Variants in VWA3B observed in about 807,000 individuals in gnomAD.
VWA3B encodes the protein von Willebrand factor A domain-containing protein 3B.
Under a neutral mutation model 158.3 loss-of-function variants are expected in VWA3B, and 138 were observed. The observed-to-expected ratio is 0.87, with a 90% confidence interval of 0.76 to 1.00. VWA3B has a LOEUF of 1.00. Ranked by LOEUF, VWA3B falls within the 50% of genes least tolerant of loss-of-function variation. VWA3B has a pLI of 0.00. For missense variants in VWA3B, 1,555 were observed against 1,565.1 expected (o/e 0.99, Z 0.11); for synonymous variants, 596 against 587.3 (o/e 1.01, Z -0.21).
intron 12 of VWA3B, chr2:98,206,164 TG>T (rs568362941): frequency 1.3e-5 from 2 of 152,674 alleles, no homozygotes; most frequent in Non-Finnish European, 2.9e-5. Context: ...TTGAGTTCTG[TG>T]GGTCATGTCT....
intron 12 of VWA3B, among the ~76,000 whole-genome samples, chr2:98,195,916 T>C (rs1682000891): frequency 6.6e-6 from 1 of 152,174 alleles, no homozygotes; most frequent in Non-Finnish European, 1.5e-5. Context: ...ATATACACAA[T>C]GGAATACTAC....
chr2:98,126,801 T>G (rs1460067469), intron 5 of VWA3B, among the ~76,000 whole-genome samples: 1 of 152,212 alleles, frequency 6.6e-6, no homozygotes, highest in African/African-American at 2.4e-5. Flanking sequence ...GGGCTTTCTG[T>G]GCCTCAAGTG....
chr2:98,323,268 G>A, the VWA3B span, among the ~76,000 whole-genome samples: 1 of 152,056 alleles, frequency 6.6e-6, no homozygotes. Context: ...TGGAAAATTC[G>A]AGAGCTAAAA....
At chr2:98,126,405 C>T (rs1675362299) in intron 5 of VWA3B, among the ~76,000 whole-genome samples, 2 of 152,166 alleles carry the variant, frequency 1.3e-5, no homozygotes, top group Admixed American at 1.3e-4. Context: ...TGTGTCTGCT[C>T]CCCTGTCTCA....
chr2:98,147,576 C>T (rs1189773455), intron 7 of VWA3B, among the ~76,000 whole-genome samples: 1 of 152,054 alleles, frequency 6.6e-6, no homozygotes, highest in Non-Finnish European at 1.5e-5. Context: ...ATATCAAATA[C>T]TTCATTAAAG....
downstream of VWA3B, among the ~76,000 whole-genome samples, chr2:98,314,519 C>T (rs561278514): frequency 1.9e-4 from 29 of 152,254 alleles, no homozygotes; most frequent in Admixed American, 5.2e-4. Context: ...TAAATGTTTC[C>T]GTGGTCCCAG....
At chr2:98,192,537 G>A (rs1681681805) in intron 10 of VWA3B, among the ~76,000 whole-genome samples, 1 of 152,134 alleles carries the variant, frequency 6.6e-6, no homozygotes, top group Non-Finnish European at 1.5e-5. Context: ...TTCTTTTGTG[G>A]TGGAATGTCA....
intron 20 of VWA3B, among the ~76,000 whole-genome samples, chr2:98,253,125 G>A (rs1398807413): frequency 2.0e-5 from 3 of 152,076 alleles, no homozygotes; most frequent in Non-Finnish European, 4.4e-5. Flanking sequence ...TTGTGTTTAA[G>A]AGTGTTGTTG....
At chr2:98,254,828 T>G (rs1687012828) in intron 20 of VWA3B, among the ~76,000 whole-genome samples, 1 of 152,108 alleles carries the variant, frequency 6.6e-6, no homozygotes, top group South Asian at 2.1e-4. Flanking sequence ...AGGCCCTGTC[T>G]GCAGACACCC....
chr2:98,297,842 G>A, intron 23 of VWA3B, 65 bp from the exon 24 acceptor site: 2 of 1,421,308 alleles, frequency 1.4e-6, no homozygotes, highest in Non-Finnish European at 1.9e-6. Flanking sequence ...CAGAAAGATG[G>A]CACAAGCCTA....
intron 6 of VWA3B, among the ~76,000 whole-genome samples, chr2:98,129,326 A>G (rs368460818): frequency 6.7e-6 from 1 of 148,688 alleles, no homozygotes; most frequent in African/African-American, 2.5e-5. Flanking sequence ...GTGTGTGTGG[A>G]GAGAGAGAGA....
intron 20 of VWA3B, among the ~76,000 whole-genome samples, chr2:98,253,284 T>TA (rs931754560): frequency 6.6e-6 from 1 of 152,186 alleles, no homozygotes; most frequent in Admixed American, 6.5e-5. Context: ...GATGTAACTT[T>TA]AAAAACAACC....
chr2:98,290,523 C>A lies in VWA3B; in HGVS notation c.3058C>A (p.Gln1020Lys). The change falls in exon 23 of 28, where the codon CAA becomes AAA. Residue 1020 changes from glutamine to lysine, a missense_variant. Physicochemically the swap from Gln to Lys is moderately conservative, Grantham distance 53. Transcript: ENST00000477737. ...NKAPGEQQKL[Q>K]GNPTKKTKSK... ...TTGTCTTTTTCAGCAACAGAAATTG[C>A]AAGGAAATCCAACAAAGAAAACCAA... The A allele has an allele frequency of 1.3e-6, 2 of 1,576,640 alleles. No homozygotes were observed. The highest frequency in any genetic ancestry group is 1.7e-6 in the Non-Finnish European group (2 of 1,169,550).
Position 98,111,851 on chromosome 2 carries a change from C to A in VWA3B, c.197-3801C>A, listed in dbSNP as rs75895437. Among the ~76,000 whole-genome samples, 774 of 152,052 alleles carry A rather than the reference C, an allele frequency of 5.1e-3. 16 individuals are homozygous for A. In the East Asian group the frequency reaches 0.088, roughly 17 times the overall value. On this transcript the variant is annotated intron_variant, in intron 2 of 27. Coordinates refer to ENST00000477737, the MANE Select transcript of VWA3B (RefSeq NM_144992.5). ...TTCAATAAATATTTGCAAATATTTT[C>A]TTTTACTTTATAAGTTGTCTGCTTA...
chr2:98,325,058 A>G, the VWA3B span, among the ~76,000 whole-genome samples: 2 of 152,250 alleles, frequency 1.3e-5, no homozygotes, highest in African/African-American at 4.8e-5. Context: ...GTGGGGAAAT[A>G]CACACTTTGT....
Position 98,192,954 on chromosome 2 carries a change from G to T in VWA3B, c.1523G>T (p.Cys508Phe). The T allele has an allele frequency of 6.2e-7, 1 of 1,614,148 alleles. No homozygotes were observed. The highest frequency in any genetic ancestry group is 8.5e-7 in the Non-Finnish European group (1 of 1,180,016). The change falls in exon 11 of 28, where the codon TGC (cysteine) becomes TTC (phenylalanine). Residue 508 changes from cysteine (C) to phenylalanine (F), a missense_variant. Physicochemically the swap from Cys to Phe is radical, Grantham distance 205. Transcript: ENST00000477737. The stretch of plus-strand genomic sequence containing the variant: ...CTCTTTGGAAGATTGCATAATGATT[G>T]CATCTACATTCTCATTGACACGTCT... ...QSLFGRLHND[C>F]IYILIDTSHS...
intron 7 of VWA3B, among the ~76,000 whole-genome samples, chr2:98,140,266 T>C (rs1440258714): frequency 6.6e-6 from 1 of 152,108 alleles, no homozygotes; most frequent in Admixed American, 6.5e-5. Flanking sequence ...CCTTAGAGAT[T>C]CTCCTTCCTC....
chr2:98,219,787 A>G (rs1684333193), intron 14 of VWA3B, among the ~76,000 whole-genome samples: 1 of 152,212 alleles, frequency 6.6e-6, no homozygotes, highest in East Asian at 1.9e-4. Flanking sequence ...AAACATGTTT[A>G]AAATACTGAG....
Position 98,312,453 on chromosome 2 carries a change from C to A in VWA3B, c.*104C>A. ...GCCCCTCCGCGGAGGTAAGGCCGCC[C>A]TCCGCGCCGCCTATGCCTGCCCTGT... On this transcript the variant is annotated 3_prime_UTR_variant, in exon 28 of 28. Transcript: ENST00000477737. The A allele has an allele frequency of 7.1e-7, 1 of 1,410,162 alleles. No individual in the cohort carries two copies. Among genetic ancestry groups the A allele is most frequent in the South Asian group, 1.4e-5 (1 of 70,632 alleles). The allele number at this position is 1,410,162 out of a possible 1,614,324, so 87.4% of individuals were successfully genotyped here.
Sources: allele counts gnomAD v4.1 joint callset (sites outside exome capture counted in the v4.1 genomes callset), GRCh38; gene constraint gnomAD v4.1.1; transcripts MANE v1.5; gene names NCBI Gene and HGNC (gene_info 2026-07-23, HGNC 2026-07-21).